CNTNAP2: variants seen among roughly 807,000 people sequenced by gnomAD.
CNTNAP2 encodes the protein contactin associated protein 2.
CNTNAP2 carries 98 observed loss-of-function variants against 155.2 expected under a neutral mutation model. The observed-to-expected ratio is 0.63, with a 90% CI of 0.54 to 0.75. The LOEUF (loss-of-function observed/expected upper bound fraction) is 0.75, where lower values mean the gene tolerates loss of function less well. Ranked by LOEUF, CNTNAP2 falls within the 30% of genes least tolerant of loss-of-function variation. The pLI, the probability that CNTNAP2 is intolerant of heterozygous loss-of-function variation, is 0.00. For missense variants in CNTNAP2, 1,727 were observed against 1,688.1 expected (o/e 1.02, Z -0.40); for synonymous variants, 651 against 631.2 (o/e 1.03, Z -0.47).
chr7:146,435,820 T>A (rs990958423), intron 1 of CNTNAP2, among the ~76,000 whole-genome samples: 1 of 152,198 alleles, frequency 6.6e-6, no homozygotes, highest in Non-Finnish European at 1.5e-5. Flanking sequence ...CTATCATATA[T>A]TTTAAAGAGT....
At chr7:148,172,509 T>C in intron 18 of CNTNAP2, 31 bp downstream of exon 18, 2 of 1,581,750 alleles carry the variant, frequency 1.3e-6, no homozygotes, top group Non-Finnish European at 8.7e-7. Flanking sequence ...AGAGCCACTT[T>C]TGCGTGTCTT....
At chr7:148,257,972 C>T (rs1796485378) in intron 20 of CNTNAP2, among the ~76,000 whole-genome samples, 1 of 152,184 alleles carries the variant, frequency 6.6e-6, no homozygotes, top group Non-Finnish European at 1.5e-5. Flanking sequence ...CAGATACATA[C>T]ACGAACATGG....
At chr7:147,920,455 A>T (rs1800254424) in intron 14 of CNTNAP2, among the ~76,000 whole-genome samples, 1 of 151,516 alleles carries the variant, frequency 6.6e-6, no homozygotes, top group Non-Finnish European at 1.5e-5. Context: ...GAGAGCTTCC[A>T]GCCTACGAAG....
At chr7:148,214,506 T>C (rs563685758) in intron 18 of CNTNAP2, among the ~76,000 whole-genome samples, 1 of 152,354 alleles carries the variant, frequency 6.6e-6, no homozygotes, top group Admixed American at 6.5e-5. Context: ...AAGTAGCTGT[T>C]CAATCCTATG....
chr7:147,652,429 T>G (rs772401785), intron 13 of CNTNAP2, among the ~76,000 whole-genome samples: 1 of 152,194 alleles, frequency 6.6e-6, no homozygotes, highest in Non-Finnish European at 1.5e-5. Flanking sequence ...GCTTAATAAT[T>G]ATCTCCAAAT....
chr7:146,781,185 G>A (rs1030258054), intron 2 of CNTNAP2, among the ~76,000 whole-genome samples: 4 of 144,154 alleles, frequency 2.8e-5, no homozygotes, highest in East Asian at 2.1e-4. Flanking sequence ...CCCAGATCGC[G>A]CCACTACACT....
intron 1 of CNTNAP2, among the ~76,000 whole-genome samples, chr7:146,758,109 A>G (rs1016353507): frequency 6.6e-6 from 1 of 152,178 alleles, no homozygotes; most frequent in Non-Finnish European, 1.5e-5. Flanking sequence ...TTTCTAGATG[A>G]GATCGCAAAT....
In CNTNAP2 at chr7:147,639,439, A is replaced by T. The variant is rs191732326; in HGVS notation, c.2098+133A>T. ...TAGGAAGGAAGCTGTAAATAAGTAA[A>T]ATAAAATCATTGGGCTTGTTTTCTG... On this transcript the variant is annotated intron_variant, in intron 13 of 23. Coordinates refer to ENST00000361727, the MANE Select transcript of CNTNAP2 (RefSeq NM_014141.6). 1.3e-4 allele frequency: 112 copies of T among 840,870 alleles called. No individual in the cohort carries two copies. The African/African-American group carries it at 1.6e-3, about 12-fold the overall frequency. 52.1% of individuals were successfully genotyped at this position (840,870 alleles called of 1,614,324 possible). A position where few individuals can be genotyped will look rare whatever the true frequency, so the allele number is the denominator to read the frequency against.
At chr7:147,149,805 G>A (rs560776749) in intron 8 of CNTNAP2, among the ~76,000 whole-genome samples, 1 of 152,312 alleles carries the variant, frequency 6.6e-6, no homozygotes, top group South Asian at 2.1e-4. Context: ...AAGGTGGAAA[G>A]CATTGCATAA....
At chr7:147,029,210 G>T (rs193297031) in intron 3 of CNTNAP2, among the ~76,000 whole-genome samples, 1 of 151,902 alleles carries the variant, frequency 6.6e-6, no homozygotes, top group African/African-American at 2.4e-5. Context: ...TGATCCACCC[G>T]CCTCGGCCTC....
At chr7:147,121,571 T>G in intron 6 of CNTNAP2, 1 of 171,788 alleles carries the variant, frequency 5.8e-6, no homozygotes, top group East Asian at 1.7e-4. Context: ...TAGTTTCTGG[T>G]TTATATTAAG....
intron 1 of CNTNAP2, among the ~76,000 whole-genome samples, chr7:146,139,362 G>A (rs926108511): frequency 5.3e-5 from 8 of 152,122 alleles, no homozygotes; most frequent in Admixed American, 2.6e-4. Context: ...AATCAGGTCT[G>A]TGGAGCTGTT....
chr7:146,672,561 CA>C (rs1441741716), intron 1 of CNTNAP2, among the ~76,000 whole-genome samples: 1 of 152,054 alleles, frequency 6.6e-6, no homozygotes, highest in Admixed American at 6.6e-5. Context: ...AGTCACATCA[CA>C]AAAAACCACT....
intron 1 of CNTNAP2, among the ~76,000 whole-genome samples, chr7:146,345,725 A>G (rs1427555017): frequency 1.3e-5 from 2 of 152,178 alleles, no homozygotes; most frequent in Admixed American, 6.5e-5. Flanking sequence ...AATGTCTGCT[A>G]ATTGCTTTGT....
At chr7:146,989,418 A>G (rs1001393322) in intron 3 of CNTNAP2, among the ~76,000 whole-genome samples, 12 of 152,138 alleles carry the variant, frequency 7.9e-5, no homozygotes, top group Non-Finnish European at 2.9e-5. Context: ...GATGTAGGAC[A>G]AAGTGACTTT....
chr7:147,615,436 A>C (rs1279510728), intron 12 of CNTNAP2, among the ~76,000 whole-genome samples: 1 of 99,278 alleles, frequency 1.0e-5, no homozygotes, highest in Admixed American at 1.1e-4. Flanking sequence ...CCTGTCTCAA[A>C]AAAAACTGTT....
intron 9 of CNTNAP2, among the ~76,000 whole-genome samples, chr7:147,317,796 G>GTATATATA (rs747483520): frequency 0.064 from 6,161 of 96,968 alleles, 374 homozygotes; most frequent in African/African-American, 0.21. Flanking sequence ...GTGTGTGTGT[G>GTATATATA]TGTATATGTA....
chr7:148,010,231 AAT>A, intron 15 of CNTNAP2, among the ~76,000 whole-genome samples: 1 of 151,598 alleles, frequency 6.6e-6, no homozygotes, highest in Non-Finnish European at 1.5e-5. Context: ...TAATTATATT[AAT>A]ATATATTATT....
At chr7:146,998,306 A>C (rs1798350650) in intron 3 of CNTNAP2, among the ~76,000 whole-genome samples, 1 of 152,034 alleles carries the variant, frequency 6.6e-6, no homozygotes, top group African/African-American at 2.4e-5. Context: ...GTTCAGGGAC[A>C]TGCTTTTTAT....
Sources: allele counts gnomAD v4.1 joint callset (sites outside exome capture counted in the v4.1 genomes callset), GRCh38; gene constraint gnomAD v4.1.1; transcripts MANE v1.5; gene names NCBI Gene and HGNC (gene_info 2026-07-23, HGNC 2026-07-21).